PRLR: variants seen among roughly 807,000 people sequenced by gnomAD.
PRLR encodes the protein prolactin receptor, also known as hPRL receptor.
PRLR carries 13 observed loss-of-function variants against 40.2 expected under a neutral mutation model. The ratio of observed to expected loss-of-function variants is 0.32; its 90% CI spans 0.21 to 0.51. PRLR has a LOEUF of 0.51. Ranked by LOEUF, PRLR falls within the 20% of genes least tolerant of loss-of-function variation. The probability of loss-of-function intolerance (pLI) is 0.97; values close to 1 mark genes in which losing one functional copy is unlikely to be tolerated. For missense variants in PRLR, 656 were observed against 747.3 expected (o/e 0.88, Z 1.42); for synonymous variants, 269 against 278.7 (o/e 0.97, Z 0.35).
At chr5:35,171,195 G>A (rs1774986644) in intron 1 of PRLR, among the ~76,000 whole-genome samples, 3 of 152,008 alleles carry the variant, frequency 2.0e-5, no homozygotes. Flanking sequence ...AACACTCCAA[G>A]ATCTCAAATG....
At chr5:35,193,004 T>C (rs571210422) in intron 1 of PRLR, among the ~76,000 whole-genome samples, 2 of 152,300 alleles carry the variant, frequency 1.3e-5, no homozygotes, top group South Asian at 4.1e-4. Context: ...GGCCACTTCT[T>C]GTGGTTTGAA....
At chr5:35,149,408 A>G (rs1774278618) in intron 1 of PRLR, among the ~76,000 whole-genome samples, 1 of 152,156 alleles carries the variant, frequency 6.6e-6, no homozygotes, top group African/African-American at 2.4e-5. Flanking sequence ...TAATAATAAT[A>G]TTGTTATTAA....
chr5:35,200,856 C>T (rs1775864686), intron 1 of PRLR, among the ~76,000 whole-genome samples: 1 of 152,182 alleles, frequency 6.6e-6, no homozygotes, highest in Non-Finnish European at 1.5e-5. Flanking sequence ...TTGCGAAGAT[C>T]ACACAGATGA....
intron 1 of PRLR, among the ~76,000 whole-genome samples, chr5:35,162,807 C>G (rs528216199): frequency 6.6e-6 from 1 of 152,348 alleles, no homozygotes; most frequent in East Asian, 1.9e-4. Flanking sequence ...TTCCTCTATC[C>G]TGTCTCCATT....
intron 1 of PRLR, among the ~76,000 whole-genome samples, chr5:35,180,832 G>A (rs931998504): frequency 2.6e-5 from 4 of 152,050 alleles, no homozygotes; most frequent in African/African-American, 4.8e-5. Context: ...GAGAACATGC[G>A]GTGTTCTGTC....
chr5:35,060,098 T>G lies in PRLR; in HGVS notation c.*4991A>C, dbSNP rs1230835816. Reference sequence around the variant, plus strand: ...GAATTAACTAAATAATTAATGAACATGGGCTTAATCTCTAAGTATGCAAAT... The same window carrying G: ...GAATTAACTAAATAATTAATGAACAGGGGCTTAATCTCTAAGTATGCAAAT... On this transcript the variant is annotated 3_prime_UTR_variant, in exon 10 of 10. Transcript: ENST00000618457. The G allele has an allele frequency of 6.6e-6, 1 of 152,224 alleles. No individual in the cohort carries two copies. Among genetic ancestry groups the G allele is most frequent in the Non-Finnish European group, 1.5e-5 (1 of 68,030 alleles). The allele number at this position is 152,224 out of a possible 1,614,324, so 9.4% of individuals were successfully genotyped here. A position where few individuals can be genotyped will look rare whatever the true frequency, so the allele number is the denominator to read the frequency against.
chr5:35,084,382 C>T (rs552428330), intron 5 of PRLR, 88 bp downstream of exon 5: 1 of 1,322,702 alleles, frequency 7.6e-7, no homozygotes, highest in Non-Finnish European at 1.0e-6. Flanking sequence ...GGGATCCATC[C>T]AAAACCCAAG....
At chr5:35,226,023 TC>T (rs1776539752) in intron 1 of PRLR, among the ~76,000 whole-genome samples, 1 of 152,298 alleles carries the variant, frequency 6.6e-6, no homozygotes, top group East Asian at 1.9e-4. Context: ...GTCTTAAAAA[TC>T]TGGGGTGCGT....
intron 5 of PRLR, among the ~76,000 whole-genome samples, chr5:35,076,362 A>G (rs183471036): frequency 2.4e-4 from 37 of 152,350 alleles, no homozygotes; most frequent in African/African-American, 8.4e-4. Flanking sequence ...GACCTGATAA[A>G]GCTGAAAACC....
At chr5:35,082,708 T>C (rs1332407976) in intron 5 of PRLR, among the ~76,000 whole-genome samples, 1 of 152,224 alleles carries the variant, frequency 6.6e-6, no homozygotes, top group African/African-American at 2.4e-5. Context: ...TGTCATTCTG[T>C]ACTGCAGGTT....
intron 3 of PRLR, 123 bp downstream of exon 3, chr5:35,089,428 C>G: frequency 1.5e-6 from 1 of 683,574 alleles, no homozygotes; most frequent in Non-Finnish European, 2.6e-6. Flanking sequence ...AATAATTTAA[C>G]AGCAGCACAT....
Position 35,049,549 on chromosome 5 carries a change from C to T in PRLR, c.1010-141G>A, listed in dbSNP as rs1768406881. On this transcript the variant is annotated intron_variant, in intron 8 of 8. Transcript: ENST00000231423. The stretch of plus-strand genomic sequence containing the variant: ...GTACTTCTGTTAAACAAACTCAAGC[C>T]TAGAATTGCATAAAGAAGAAAGAAA... 6 of 596,402 alleles carry T rather than the reference C, an allele frequency of 1.0e-5. No individual in the cohort carries two copies. The South Asian group carries it at 1.2e-4, about 12-fold the overall frequency. The allele number at this position is 596,402 out of a possible 1,614,324, so 36.9% of individuals were successfully genotyped here. A position where few individuals can be genotyped will look rare whatever the true frequency, so the allele number is the denominator to read the frequency against.
At chr5:35,069,072 C>T (rs183329177) in intron 7 of PRLR, among the ~76,000 whole-genome samples, 194 bp from the exon 8 acceptor site, 56 of 152,088 alleles carry the variant, frequency 3.7e-4, no homozygotes, top group African/African-American at 1.2e-3. Flanking sequence ...TAATATGTTG[C>T]GTATATTTTA....
At chr5:35,160,415 C>T (rs1056839295) in intron 1 of PRLR, among the ~76,000 whole-genome samples, 1 of 152,124 alleles carries the variant, frequency 6.6e-6, no homozygotes, top group Non-Finnish European at 1.5e-5. Context: ...CTGCTCTTAC[C>T]TTTAGTGGTC....
rs1327039661 is a variant in PRLR, at chr5:35,156,139, A to C, written c.-105-38017T>G. 1.5e-4 allele frequency among the ~76,000 whole-genome samples: 21 copies of C among 141,290 alleles called. 1 individual carries two copies. The highest frequency in any genetic ancestry group is 4.9e-4 in the South Asian group (2 of 4,044). The allele number at this position is 141,290 out of a possible 152,430, so 92.7% of individuals were successfully genotyped here. On this transcript the variant is annotated intron_variant, in intron 1 of 9. Transcript: ENST00000618457. ...CAGTTGCTCAAGATAAAAAAAAAAA[A>C]CAAAAAAAAAAACAAAACCAACTTT...
rs551913091 is a variant in PRLR, at chr5:35,146,683, G to A, written c.-105-28561C>T. ...CCTCTCTCTGCAGGAGAGGATGGAG[G>A]TTTCAGAATGTCTAGACTTAGAGTG... On this transcript the variant is annotated intron_variant, in intron 1 of 9. Coordinates refer to ENST00000618457, the MANE Select transcript of PRLR (RefSeq NM_000949.7). Among the ~76,000 whole-genome samples the A allele has an allele frequency of 8.5e-5, 13 of 152,312 alleles. 1 individual carries two copies. In the South Asian group the frequency reaches 2.5e-3, roughly 29 times the overall value.
At chr5:35,126,766 A>G (rs1027389256) in intron 1 of PRLR, among the ~76,000 whole-genome samples, 9 of 152,248 alleles carry the variant, frequency 5.9e-5, no homozygotes, top group African/African-American at 2.2e-4. Flanking sequence ...GGAAATAGCA[A>G]GTAATTAATA....
At chr5:35,101,229 G>T (rs940957716) in intron 2 of PRLR, among the ~76,000 whole-genome samples, 6 of 152,120 alleles carry the variant, frequency 3.9e-5, no homozygotes, top group African/African-American at 1.4e-4. Flanking sequence ...ACACCTGTTG[G>T]GTGACTATTT....
downstream of PRLR, among the ~76,000 whole-genome samples, chr5:35,053,711 G>T (rs1457350405): frequency 6.6e-6 from 1 of 152,152 alleles, no homozygotes; most frequent in African/African-American, 2.4e-5. Context: ...TCAAGATTAG[G>T]AGGCACAATA....
Sources: gnomAD v4.1 joint callset for allele counts (sites outside exome capture counted in the v4.1 genomes callset) on GRCh38, gnomAD v4.1.1 for gene constraint, MANE v1.5 for transcripts, NCBI Gene and HGNC (gene_info 2026-07-23, HGNC 2026-07-21) for gene names.